The following PWWP2A variants were observed in gnomAD, a reference collection of about 807,000 sequenced individuals.
The protein encoded by PWWP2A is PWWP domain-containing protein 2A.
In PWWP2A, 18 loss-of-function variants were observed where a neutral mutation model predicts 48.5. The ratio of observed to expected loss-of-function variants is 0.37; its 90% confidence interval spans 0.26 to 0.55. The LOEUF is 0.55. Among genes scored for constraint, PWWP2A ranks in the 20% least tolerant of loss-of-function variants. The pLI is 0.81. For missense variants in PWWP2A, 867 were observed against 976.4 expected (o/e 0.89, Z 1.49); for synonymous variants, 396 against 387.7 (o/e 1.02, Z -0.25).
At chr5:160,045,346 A>T in the PWWP2A span, among the ~76,000 whole-genome samples, 1 of 152,048 alleles carries the variant, frequency 6.6e-6, no homozygotes, top group Middle Eastern at 3.2e-3. Flanking sequence ...ACTAATATTT[A>T]TGTGGTTAGA....
chr5:160,049,810 G>A, the PWWP2A span: 1 of 692,182 alleles, frequency 1.4e-6, no homozygotes, highest in Non-Finnish European at 2.2e-6. Flanking sequence ...AGGCGCAGTG[G>A]CTCTTGCCTG....
At chr5:160,095,596 G>A (rs1404892830) in intron 1 of PWWP2A, among the ~76,000 whole-genome samples, 3 of 151,700 alleles carry the variant, frequency 2.0e-5, no homozygotes, top group African/African-American at 4.8e-5. Context: ...AGTCAGTCAC[G>A]TGGAACCTTC....
chr5:160,054,700 A>G, the PWWP2A span, among the ~76,000 whole-genome samples: 1 of 152,192 alleles, frequency 6.6e-6, no homozygotes, highest in Non-Finnish European at 1.5e-5. Context: ...AATGTACGGT[A>G]TAGCATTTAT....
At chr5:160,109,192 C>T (rs1167970022) in intron 1 of PWWP2A, among the ~76,000 whole-genome samples, 1 of 152,092 alleles carries the variant, frequency 6.6e-6, no homozygotes, top group African/African-American at 2.4e-5. Flanking sequence ...CCATGTTGGC[C>T]AGGCTGGTCC....
intron 1 of PWWP2A, among the ~76,000 whole-genome samples, chr5:160,094,905 G>A (rs986797218): frequency 2.0e-5 from 3 of 151,342 alleles, no homozygotes; most frequent in African/African-American, 4.9e-5. Flanking sequence ...AAGATTCGCC[G>A]GGCATGGTGG....
chr5:160,058,191 C>T (rs1406405226), downstream of PWWP2A, among the ~76,000 whole-genome samples: 1 of 152,224 alleles, frequency 6.6e-6, no homozygotes, highest in Non-Finnish European at 1.5e-5. Flanking sequence ...ACTCCTCATT[C>T]GAGTTGTATC....
At chr5:160,094,195 G>A in intron 1 of PWWP2A, 130 bp from the exon 2 acceptor site, 1 of 1,166,350 alleles carries the variant, frequency 8.6e-7, no homozygotes, top group East Asian at 2.6e-5. Flanking sequence ...TAAAAAACAA[G>A]ACTACAAAAA....
downstream of PWWP2A, among the ~76,000 whole-genome samples, chr5:160,088,587 TA>T (rs1357875181): frequency 6.6e-6 from 1 of 152,188 alleles, no homozygotes; most frequent in Non-Finnish European, 1.5e-5. Context: ...TTAATAGCTG[TA>T]ATATAAGAAG....
chr5:160,118,663 G>A (rs1211246779), intron 1 of PWWP2A, 142 bp downstream of exon 1: 4 of 846,276 alleles, frequency 4.7e-6, no homozygotes, highest in African/African-American at 3.6e-5. Context: ...CCCACTCGGA[G>A]CGCGCGCCAC....
the PWWP2A span, among the ~76,000 whole-genome samples, chr5:160,050,579 C>T: frequency 6.6e-6 from 1 of 150,898 alleles, no homozygotes; most frequent in Non-Finnish European, 1.5e-5. Context: ...TGATGCCCTC[C>T]TTTAGTGTAG....
At chr5:160,062,516 A>G (rs1202981611) in intron 5 of PWWP2A, among the ~76,000 whole-genome samples, 2 of 152,220 alleles carry the variant, frequency 1.3e-5, no homozygotes, top group South Asian at 2.1e-4. Context: ...CATAGAAGCT[A>G]CTTTTATTCT....
the PWWP2A span, among the ~76,000 whole-genome samples, chr5:160,045,520 A>ACACACACTCTCTCT: frequency 2.2e-4 from 12 of 54,876 alleles, no homozygotes; most frequent in Non-Finnish European, 2.6e-4. Context: ...ACACATACAC[A>ACACACACTCTCTCT]CTCTCTCTCT....
chr5:160,062,695 C>G (rs1301838099), intron 5 of PWWP2A, among the ~76,000 whole-genome samples: 4 of 152,212 alleles, frequency 2.6e-5, no homozygotes, highest in African/African-American at 9.6e-5. Flanking sequence ...AGCTGCCCCT[C>G]CTCAGGAGTC....
At chr5:160,115,888 C>A (rs559492779) in intron 1 of PWWP2A, among the ~76,000 whole-genome samples, 6 of 151,890 alleles carry the variant, frequency 4.0e-5, no homozygotes, top group African/African-American at 1.4e-4. Context: ...CATCAGTAAA[C>A]CCCAAAACTG....
chr5:160,073,493 C>T (rs908347192), downstream of PWWP2A, among the ~76,000 whole-genome samples: 2 of 152,130 alleles, frequency 1.3e-5, no homozygotes, highest in African/African-American at 4.8e-5. Flanking sequence ...TCCCAAAGTA[C>T]TGGGATTACA....
At chr5:160,049,468 A>AG in the PWWP2A span, 1 of 1,502,766 alleles carries the variant, frequency 6.7e-7, no homozygotes, top group South Asian at 1.3e-5. Flanking sequence ...AAAGATATGT[A>AG]GGCCATTTTT....
intron 1 of PWWP2A, among the ~76,000 whole-genome samples, chr5:160,101,799 CAACT>C (rs1301624558): frequency 2.7e-5 from 4 of 146,632 alleles, no homozygotes; most frequent in Admixed American, 1.4e-4. Flanking sequence ...TAGAAAGAAC[CAACT>C]ATTAAAAAAA....
rs1012267583 is a variant in PWWP2A, at chr5:160,082,548, A to T, written c.1550-1778T>A. On this transcript the variant is annotated intron_variant, in intron 2 of 3. Transcript: ENST00000456329. ...AGAATCTGCTTTTCAATTTTAAGCAAGGAGAGTCAAGATGTATCAAAGAAT... is the reference window on the plus strand; with the variant it reads ...AGAATCTGCTTTTCAATTTTAAGCATGGAGAGTCAAGATGTATCAAAGAAT... 2.0e-4 allele frequency among the ~76,000 whole-genome samples: 31 copies of T among 152,226 alleles called. 1 individual carries two copies. The highest frequency in any genetic ancestry group is 7.3e-5 in the Non-Finnish European group (5 of 68,036).
the PWWP2A span, among the ~76,000 whole-genome samples, chr5:160,052,654 TCTC>T: frequency 6.6e-6 from 1 of 151,304 alleles, no homozygotes. Context: ...AAGGCATTGG[TCTC>T]TTAGTCCATT....
Sources: gnomAD v4.1 joint callset for allele counts (sites outside exome capture counted in the v4.1 genomes callset) on GRCh38, gnomAD v4.1.1 for gene constraint, MANE v1.5 for transcripts, NCBI Gene and HGNC (gene_info 2026-07-23, HGNC 2026-07-21) for gene names.